The following ZNF462 variants were observed in gnomAD, a reference collection of about 807,000 sequenced individuals.
ZNF462 encodes the protein zinc finger protein 462.
In ZNF462, 10 loss-of-function variants were observed where a neutral mutation model predicts 201.9. That is an observed-to-expected ratio of 0.05 (90% CI 0.03 to 0.08). The LOEUF (loss-of-function observed/expected upper bound fraction) is 0.08. ZNF462 is among the 10% of genes least tolerant of loss of function. ZNF462 has a pLI of 1.00. For missense variants in ZNF462, 2,523 were observed against 3,168.3 expected, an observed-to-expected ratio of 0.80 and a Z score of 4.89; for synonymous variants, 1,227 against 1,193.3, an observed-to-expected ratio of 1.03 and a Z score of -0.58.
rs1828485861 is a variant in ZNF462 at position 106,993,871 on chromosome 9, A to G, written c.7057-9423A>G. 6.6e-6 allele frequency among the ~76,000 whole-genome samples: 1 copy of G among 152,110 alleles called. No individual in the cohort carries two copies. Among genetic ancestry groups the G allele is most frequent in the Admixed American group, 6.6e-5 (1 of 15,262 alleles). Reference sequence around the variant, plus strand: ...GCAATCCTCCCACCTTGGCTTCCCAAAGTACAGGAATTGCAGGTGTGAGCC... The same window carrying G: ...GCAATCCTCCCACCTTGGCTTCCCAGAGTACAGGAATTGCAGGTGTGAGCC... On this transcript the variant is annotated intron_variant, in intron 10 of 12. Coordinates refer to ENST00000277225, the MANE Select transcript of ZNF462 (RefSeq NM_021224.6). This position sits in a 1 kb window ranked among gnomAD's most constrained non-coding sequence, Gnocchi z 4.0.
At chr9:106,864,928 G>A (rs1233605971) in intron 1 of ZNF462, among the ~76,000 whole-genome samples, 2 of 152,170 alleles carry the variant, frequency 1.3e-5, no homozygotes, top group African/African-American at 4.8e-5. Context: ...GAAAATGGAG[G>A]AGAGCGGGTT....
At chr9:106,969,702 CTG>C (rs1302433238) in intron 7 of ZNF462, among the ~76,000 whole-genome samples, 12 of 152,244 alleles carry the variant, frequency 7.9e-5, no homozygotes, top group African/African-American at 2.4e-4. Context: ...ATGGAGGGGA[CTG>C]TGACTCCTTT....
In ZNF462 at chr9:106,929,673, C is replaced by G; in HGVS notation, c.5761C>G (p.Arg1921Gly). 6.2e-7 allele frequency: 1 copy of G among 1,614,172 alleles called. No homozygotes were observed. The highest frequency in any genetic ancestry group is 8.5e-7 in the Non-Finnish European group (1 of 1,180,036). ...LNIHNEEFQK[R>G]AKRQERRKQL... is the part of the protein sequence containing the mutation. ...CATTCACAATGAGGAATTCCAGAAG[C>G]GTGCCAAACGTCAGGAGAGGAGGAA... is the stretch of plus-strand genomic sequence containing the variant. Residue 1921 changes from arginine to glycine, a missense_variant, in exon 3 of 13, where the codon CGT (arginine) becomes GGT (glycine). By Grantham distance (125) the Arg-to-Gly change is moderately radical (BLOSUM62 -2). Transcript: ENST00000277225. The surrounding 1 kb of genome is among the most constrained non-coding windows in gnomAD (Gnocchi z 8.7).
At chr9:106,951,044 C>G (rs1831322587) in intron 7 of ZNF462, among the ~76,000 whole-genome samples, 1 of 150,142 alleles carries the variant, frequency 6.7e-6, no homozygotes, top group South Asian at 2.1e-4. Context: ...GAGCCGAGAT[C>G]ACACCACTGC....
chr9:106,882,032 T>C (rs182464765), intron 1 of ZNF462, among the ~76,000 whole-genome samples: 212 of 152,360 alleles, frequency 1.4e-3, no homozygotes, highest in African/African-American at 4.9e-3. Context: ...AGTTTTAATG[T>C]CTTACAAGCC....
chr9:106,969,472 T>TGGAG (rs1826474054), intron 7 of ZNF462, among the ~76,000 whole-genome samples: 2 of 152,266 alleles, frequency 1.3e-5, no homozygotes, highest in South Asian at 4.1e-4. Context: ...TAAAAGAGAT[T>TGGAG]GGGGTCCTTG....
At chr9:106,869,461 C>T (rs1827493282) in intron 1 of ZNF462, among the ~76,000 whole-genome samples, 1 of 152,224 alleles carries the variant, frequency 6.6e-6, no homozygotes, top group South Asian at 2.1e-4. Flanking sequence ...CCACTTCTGT[C>T]TCTTCTTGGA....
At chr9:106,881,012 G>T (rs765752144) in intron 1 of ZNF462, among the ~76,000 whole-genome samples, 4 of 152,190 alleles carry the variant, frequency 2.6e-5, no homozygotes, top group East Asian at 3.9e-4. Flanking sequence ...ATTTGGAGGG[G>T]TATAGGATCA....
intron 1 of ZNF462, among the ~76,000 whole-genome samples, chr9:106,899,544 T>G (rs888029576): frequency 1.3e-5 from 2 of 152,154 alleles, no homozygotes; most frequent in Non-Finnish European, 2.9e-5. Context: ...CTCCTCCTCT[T>G]CTCAGTTAGA....
At chr9:106,940,669 A>G (rs956050443) in intron 7 of ZNF462, among the ~76,000 whole-genome samples, 1 of 152,142 alleles carries the variant, frequency 6.6e-6, no homozygotes, top group African/African-American at 2.4e-5. Context: ...GCTTGTTATG[A>G]TGGCTACGAC....
rs184200536 is a variant in ZNF462 at position 106,922,130 on chromosome 9, C to T, written c.-30-1224C>T. On this transcript the variant is annotated intron_variant, in intron 1 of 12. Transcript: ENST00000277225. ...TCCTGCAGAAATAATTTATCTTTTA[C>T]AGTAAAAGTATAGAGTATTACATCA... 3.5e-4 allele frequency among the ~76,000 whole-genome samples: 54 copies of T among 152,272 alleles called. 1 individual carries two copies. Among genetic ancestry groups the T allele is most frequent in the Middle Eastern group, 3.4e-3 (1 of 294 alleles).
chr9:107,003,382 A>G lies in ZNF462; in HGVS notation c.7145A>G (p.Asp2382Gly). The change falls in exon 11 of 13, where the codon GAT (aspartate) becomes GGT (glycine). Residue 2382 changes from aspartate to glycine, a missense_variant. Around this residue, in one of 15 missense-constraint regions of ZNF462, gnomAD observed 228 missense variants for 361.2 expected, o/e 0.63. Coordinates refer to ENST00000277225, the MANE Select transcript of ZNF462 (RefSeq NM_021224.6). The surrounding 1 kb of genome is among the most constrained non-coding windows in gnomAD (Gnocchi z 4.4). The part of the protein sequence containing the change: ...KEKMESSSSD[D>G]EDKEEEMNSK... ...AAAATGGAGAGCTCCAGCAGCGATGATGAGGACAAGGAAGAAGAAATGAAC... is the reference window on the plus strand; with the variant it reads ...AAAATGGAGAGCTCCAGCAGCGATGGTGAGGACAAGGAAGAAGAAATGAAC... 6.2e-7 allele frequency: 1 copy of G among 1,613,874 alleles called. No homozygotes were observed. The highest frequency in any genetic ancestry group is 8.5e-7 in the Non-Finnish European group (1 of 1,179,842).
chr9:106,940,592 A>G (rs1830824905), intron 7 of ZNF462, among the ~76,000 whole-genome samples: 1 of 152,226 alleles, frequency 6.6e-6, no homozygotes, highest in Non-Finnish European at 1.5e-5. Flanking sequence ...CAAATCATTT[A>G]TAGTGTTCAA....
rs747917328 is a variant in ZNF462 at position 106,924,826 on chromosome 9, T to C, written c.914T>C (p.Met305Thr). 28 of 1,614,156 alleles carry C rather than the reference T, an allele frequency of 1.7e-5. No homozygotes were observed. The highest frequency in any genetic ancestry group is 8.3e-5 in the Admixed American group (5 of 60,022). ...ACTTCCAACTCCACCTATCTGACCA[T>C]GAATGCTGCAAGCCGGGAGATACCC... The part of the protein sequence containing the change: ...SPTSNSTYLT[M>T]NAASREIPNT... Residue 305 changes from methionine (M) to threonine (T), a missense_variant, in exon 3 of 13, where the codon ATG (methionine) becomes ACG (threonine). Physicochemically the swap from Met to Thr is moderately conservative, Grantham distance 81. Transcript: ENST00000277225. This position sits in a 1 kb window ranked among gnomAD's most constrained non-coding sequence, Gnocchi z 6.2.
chr9:106,879,335 C>CCT (rs1554693614), intron 1 of ZNF462, among the ~76,000 whole-genome samples: 1 of 101,472 alleles, frequency 9.9e-6, no homozygotes, highest in African/African-American at 3.7e-5. Context: ...GCTTTCCACC[C>CCT]CCCCCCCCAC....
At chr9:106,891,614 G>C (rs981577870) in intron 1 of ZNF462, among the ~76,000 whole-genome samples, 1 of 152,118 alleles carries the variant, frequency 6.6e-6, no homozygotes, top group Non-Finnish European at 1.5e-5. Flanking sequence ...TCATGGTGTT[G>C]ATTTCTCTTT....
In ZNF462 at chr9:106,928,663, A is replaced by T. The variant is rs751653109; in HGVS notation, c.4751A>T (p.Tyr1584Phe). ...YGAYRCKLCP[Y>F]THGTLEKLKI... ...GCCTACCGGTGCAAACTGTGTCCGTACACACACGGCACTTTGGAGAAACTA... is the reference window on the plus strand; with the variant it reads ...GCCTACCGGTGCAAACTGTGTCCGTTCACACACGGCACTTTGGAGAAACTA... Residue 1584 changes from tyrosine (Y) to phenylalanine (F), a missense_variant, in exon 3 of 13, where the codon TAC (tyrosine) becomes TTC (phenylalanine). By Grantham distance (22) the Tyr-to-Phe change is conservative. This residue lies in a region of ZNF462 where 200 missense variants were observed against 281.3 expected (regional missense o/e 0.71). Coordinates refer to ENST00000277225, the MANE Select transcript of ZNF462 (RefSeq NM_021224.6). This position sits in a 1 kb window ranked among gnomAD's most constrained non-coding sequence, Gnocchi z 9.3. The T allele has an allele frequency of 6.2e-7, 1 of 1,614,178 alleles. No homozygotes were observed. The highest frequency in any genetic ancestry group is 1.1e-5 in the South Asian group (1 of 91,076).
intron 1 of ZNF462, among the ~76,000 whole-genome samples, chr9:106,888,557 C>A (rs1828432115): frequency 6.6e-6 from 1 of 151,308 alleles, no homozygotes; most frequent in African/African-American, 2.4e-5. Context: ...TCCATTTGCC[C>A]ATCTTGGCCA....
chr9:106,884,293 A>G (rs536470450), intron 1 of ZNF462, among the ~76,000 whole-genome samples: 108 of 152,314 alleles, frequency 7.1e-4, no homozygotes, highest in African/African-American at 2.4e-3. Context: ...CTGTGCTTGA[A>G]GAGTTGACAT....
Sources: allele counts gnomAD v4.1 joint callset (sites outside exome capture counted in the v4.1 genomes callset), GRCh38; gene constraint gnomAD v4.1.1; regional missense constraint gnomAD v4.1.1; non-coding constraint Gnocchi (gnomAD v3.1); transcripts MANE v1.5; gene names NCBI Gene and HGNC (gene_info 2026-07-23, HGNC 2026-07-21).